LGR6: variants seen among roughly 807,000 people sequenced by gnomAD.
The protein encoded by LGR6 is leucine rich repeat containing G protein-coupled receptor 6.
In LGR6, 45 loss-of-function variants were observed where a neutral mutation model predicts 69.4. The ratio of observed to expected loss-of-function variants is 0.65; its 90% CI spans 0.51 to 0.83. LGR6 has a LOEUF of 0.83. Among genes scored for constraint, LGR6 ranks in the 40% least tolerant of loss-of-function variants. The probability of loss-of-function intolerance (pLI) is 0.00; values close to 1 mark genes in which losing one functional copy is unlikely to be tolerated. For synonymous variants in LGR6, 538 were observed against 555.0 expected (o/e 0.97, Z 0.43); for missense variants, 1,108 against 1,246.7 (o/e 0.89, Z 1.68).
intron 4 of LGR6, among the ~76,000 whole-genome samples, chr1:202,272,990 C>T (rs1218513827): frequency 6.6e-6 from 1 of 152,228 alleles, no homozygotes; most frequent in Non-Finnish European, 1.5e-5. Flanking sequence ...GGTTCTTAAC[C>T]TCCCATCATG....
intron 4 of LGR6, among the ~76,000 whole-genome samples, chr1:202,242,828 T>C (rs1662325934): frequency 6.6e-6 from 1 of 152,092 alleles, no homozygotes; most frequent in African/African-American, 2.4e-5. Context: ...CTGATCGCCC[T>C]CCAAAGGACT....
At chr1:202,303,094 G>A (rs1284641764) in intron 9 of LGR6, among the ~76,000 whole-genome samples, 185 bp from the exon 10 acceptor site, 2 of 152,130 alleles carry the variant, frequency 1.3e-5, no homozygotes, top group Non-Finnish European at 2.9e-5. Context: ...ATGGCTGGTT[G>A]GACCCTGCTA....
chr1:202,218,836 G>A (rs1383043632), intron 1 of LGR6, among the ~76,000 whole-genome samples: 1 of 152,196 alleles, frequency 6.6e-6, no homozygotes, highest in Non-Finnish European at 1.5e-5. Flanking sequence ...TGGGAGGGCT[G>A]CAGAGCAGTT....
intron 6 of LGR6, among the ~76,000 whole-genome samples, chr1:202,283,629 C>G (rs541768773): frequency 6.6e-6 from 1 of 152,296 alleles, no homozygotes; most frequent in South Asian, 2.1e-4. Context: ...AAAGCGGCCC[C>G]CAGCCATACC....
intron 4 of LGR6, among the ~76,000 whole-genome samples, chr1:202,258,774 A>G (rs1307473297): frequency 2.0e-5 from 3 of 152,014 alleles, no homozygotes; most frequent in Non-Finnish European, 2.9e-5. Flanking sequence ...ATTTGTAAGT[A>G]ATAATTATAC....
Position 202,309,489 on chromosome 1 carries a change from A to G in LGR6, c.1406+313A>G, listed in dbSNP as rs139660707. Among the ~76,000 whole-genome samples, 10 of 152,344 alleles carry G rather than the reference A, an allele frequency of 6.6e-5. No individual in the cohort carries two copies. The East Asian group carries it at 1.5e-3, about 24-fold the overall frequency. ...CTCCTTGCACCCCATCTGGTTCCAC[A>G]TGTCCAGATTATCTGTCCTCACTTG... On this transcript the variant is annotated intron_variant, in intron 15 of 17. Coordinates refer to ENST00000367278, the MANE Select transcript of LGR6 (RefSeq NM_001017403.2).
rs1420309673 is a variant in LGR6 at position 202,194,193 on chromosome 1, G to A, written c.204G>A (p.Thr68=). Residue 68 remains threonine, a synonymous_variant, in exon 1 of 18, where the codon ACG becomes ACA. Transcript: ENST00000367278. The part of the protein sequence containing the change: ...SAVPGDLDPL[T]AYLDLSMNNL... ...TTCCGGGGGACCTGGACCCCCTGAC[G>A]GCTTACCTGTGAGTACTGCCCGCCT... is the stretch of plus-strand genomic sequence containing the variant. 8 of 1,557,260 alleles carry A rather than the reference G, an allele frequency of 5.1e-6. No homozygotes were observed. In the Admixed American group the frequency reaches 1.5e-4, roughly 28 times the overall value.
chr1:202,310,115 G>A, intron 15 of LGR6, 82 bp from the exon 16 acceptor site: 2 of 1,434,156 alleles, frequency 1.4e-6, no homozygotes, highest in Non-Finnish European at 1.9e-6. Flanking sequence ...CAGCCCCTGG[G>A]TTGCAGATCT....
intron 1 of LGR6, among the ~76,000 whole-genome samples, chr1:202,199,833 TACC>T (rs1658777550): frequency 2.6e-5 from 4 of 152,202 alleles, no homozygotes; most frequent in Admixed American, 2.6e-4. Flanking sequence ...TAATAGTATC[TACC>T]TCAAAGGGTT....
Position 202,297,532 on chromosome 1 carries a change from G to A in LGR6, c.741G>A (p.Gln247=), listed in dbSNP as rs772843246. 2 of 1,613,990 alleles carry A rather than the reference G, an allele frequency of 1.2e-6. No homozygotes were observed. The highest frequency in any genetic ancestry group is 1.1e-5 in the South Asian group (1 of 91,060). The change falls in exon 7 of 18, where the codon CAG becomes CAA. Residue 247 remains glutamine, a synonymous_variant. Coordinates refer to ENST00000367278, the MANE Select transcript of LGR6 (RefSeq NM_001017403.2). ...GAGACCTGAATTATAACAAGCTGCA[G>A]GAGTTCCCTGTGGCCATCCGGACCC... ...ETLDLNYNKL[Q]EFPVAIRTLG...
intron 4 of LGR6, among the ~76,000 whole-genome samples, chr1:202,271,828 AAG>A (rs1369261344): frequency 4.4e-4 from 67 of 150,952 alleles, no homozygotes; most frequent in Non-Finnish European, 5.9e-4. Flanking sequence ...AAAAAAAAAA[AAG>A]AGAGAGGGGA....
At chr1:202,227,805 A>G in intron 2 of LGR6, 131 bp from the exon 3 acceptor site, 1 of 673,594 alleles carries the variant, frequency 1.5e-6, no homozygotes. Flanking sequence ...TATTAAACGC[A>G]TCGTAGATTT....
chr1:202,205,171 T>C (rs111214271), intron 1 of LGR6, among the ~76,000 whole-genome samples: 504 of 2,056 alleles, frequency 0.25, no homozygotes, highest in Middle Eastern at 0.5. Context: ...TAACACACAC[T>C]TCCTTCAAAC....
At chr1:202,212,105 A>T (rs1659484365) in intron 1 of LGR6, among the ~76,000 whole-genome samples, 1 of 152,178 alleles carries the variant, frequency 6.6e-6, no homozygotes, top group African/African-American at 2.4e-5. Flanking sequence ...TGGGAGTATC[A>T]TGGCTACCAC....
At chr1:202,264,448 A>G (rs1193526331) in intron 4 of LGR6, among the ~76,000 whole-genome samples, 1 of 152,170 alleles carries the variant, frequency 6.6e-6, no homozygotes, top group Non-Finnish European at 1.5e-5. Context: ...TTCCTCTACC[A>G]ACCACAGCCA....
At chr1:202,241,208 G>A (rs1454936182) in intron 4 of LGR6, among the ~76,000 whole-genome samples, 5 of 152,224 alleles carry the variant, frequency 3.3e-5, no homozygotes, top group Non-Finnish European at 7.4e-5. Flanking sequence ...AGTATGTAGA[G>A]GATGCACCCC....
At chr1:202,235,850 G>T in intron 3 of LGR6, 72 bp from the exon 4 acceptor site, 2 of 1,343,006 alleles carry the variant, frequency 1.5e-6, no homozygotes, top group Non-Finnish European at 2.1e-6. Flanking sequence ...GGGGTTCAAG[G>T]GAGGAGTCAG....
Position 202,318,311 on chromosome 1 carries a change from T to G in LGR6, c.2008T>G (p.Ser670Ala), listed in dbSNP as rs1314107633. Reference sequence around the variant, plus strand: ...TCTGGCCGCAGTGCAGTGCAGCGTCTCCGTCTCCTGTGTCCGGGCCTATGG... The same window carrying G: ...TCTGGCCGCAGTGCAGTGCAGCGTCGCCGTCTCCTGTGTCCGGGCCTATGG... ...LTLAAVQCSV[S>A]VSCVRAYGKS... Residue 670 changes from serine to alanine, a missense_variant, in exon 18 of 18, where the codon TCC becomes GCC. Ser to Ala is a moderately conservative substitution (Grantham distance 99). Transcript: ENST00000367278. 1 of 1,594,308 alleles carries G rather than the reference T, an allele frequency of 6.3e-7. No individual in the cohort carries two copies. Among genetic ancestry groups the G allele is most frequent in the Admixed American group, 1.7e-5 (1 of 58,294 alleles).
chr1:202,214,125 G>C (rs1298907619), intron 1 of LGR6: 2 of 1,468,076 alleles, frequency 1.4e-6, no homozygotes, highest in African/African-American at 1.5e-5. Context: ...CTGGACCGCA[G>C]AACTGGCACT....
Sources: allele counts gnomAD v4.1 joint callset (sites outside exome capture counted in the v4.1 genomes callset), GRCh38; gene constraint gnomAD v4.1.1; transcripts MANE v1.5; gene names NCBI Gene and HGNC (gene_info 2026-07-23, HGNC 2026-07-21).